Variants in ZFYVE9 observed in about 807,000 individuals in gnomAD.
ZFYVE9 encodes zinc finger FYVE domain-containing protein 9.
ZFYVE9 carries 43 observed loss-of-function variants against 126.7 expected under a neutral mutation model. The ratio of observed to expected loss-of-function variants is 0.34; its 90% confidence interval spans 0.27 to 0.44. The LOEUF is 0.44. Ranked by LOEUF, ZFYVE9 falls within the 20% of genes least tolerant of loss-of-function variation. ZFYVE9 has a pLI of 1.00. For synonymous variants in ZFYVE9, 521 were observed against 597.4 expected, an observed-to-expected ratio of 0.87 and a Z score of 1.87; for missense variants, 1,476 against 1,697.0, an observed-to-expected ratio of 0.87 and a Z score of 2.29.
intron 10 of ZFYVE9, among the ~76,000 whole-genome samples, chr1:52,292,758 C>G (rs1007649549): frequency 2.0e-5 from 3 of 151,846 alleles, no homozygotes; most frequent in Non-Finnish European, 4.4e-5. Context: ...TGTGAGCCAC[C>G]GCACCCGGCC....
intron 1 of ZFYVE9, among the ~76,000 whole-genome samples, chr1:52,147,376 T>C (rs1019857420): frequency 6.6e-6 from 1 of 152,204 alleles, no homozygotes; most frequent in Non-Finnish European, 1.5e-5. Context: ...AAGAGAAACT[T>C]GTACCCATTA....
chr1:52,223,518 T>C lies in ZFYVE9; in HGVS notation c.-37+7044T>C, dbSNP rs1231042701. On this transcript the variant is annotated intron_variant, in intron 2 of 18. Coordinates refer to ENST00000287727, the MANE Select transcript of ZFYVE9 (RefSeq NM_004799.4). Reference sequence around the variant, plus strand: ...CTATGGGATGGTCTTTCCAATTTTCTATCTTTTGTATTTTTTTTGTAATGT... The same window carrying C: ...CTATGGGATGGTCTTTCCAATTTTCCATCTTTTGTATTTTTTTTGTAATGT... Among the ~76,000 whole-genome samples, 6 of 152,204 alleles carry C rather than the reference T, an allele frequency of 3.9e-5. No individual in the cohort carries two copies. The South Asian group carries it at 1.2e-3, about 32-fold the overall frequency.
At chr1:52,220,429 G>GGTA (rs1645113146) in intron 2 of ZFYVE9, among the ~76,000 whole-genome samples, 1 of 152,168 alleles carries the variant, frequency 6.6e-6, no homozygotes, top group African/African-American at 2.4e-5. Flanking sequence ...GGGTGAGATG[G>GGTA]TCTACTATGA....
chr1:52,253,629 A>G (rs1295449805), intron 4 of ZFYVE9: 2 of 1,408,668 alleles, frequency 1.4e-6, no homozygotes, highest in South Asian at 2.3e-5. Flanking sequence ...AAATGACCAC[A>G]CCAAACAAGG....
At chr1:52,213,353 C>A (rs1044825898) in intron 1 of ZFYVE9, among the ~76,000 whole-genome samples, 8 of 152,002 alleles carry the variant, frequency 5.3e-5, no homozygotes, top group South Asian at 4.1e-4. Flanking sequence ...TGGAGACTTA[C>A]AATTAAACAG....
chr1:52,297,314 T>C (rs1202143300), intron 12 of ZFYVE9, among the ~76,000 whole-genome samples: 3 of 151,144 alleles, frequency 2.0e-5, no homozygotes, highest in Admixed American at 6.6e-5. Context: ...ACAATCTTAC[T>C]GCAACCTCTG....
At chr1:52,199,351 C>T (rs1436276905) in intron 1 of ZFYVE9, among the ~76,000 whole-genome samples, 3 of 152,204 alleles carry the variant, frequency 2.0e-5, no homozygotes, top group Non-Finnish European at 4.4e-5. Flanking sequence ...GAGTGAGCCA[C>T]CGTACCTGGC....
At chr1:52,158,208 AAG>A (rs1644420842) in intron 1 of ZFYVE9, among the ~76,000 whole-genome samples, 1 of 152,182 alleles carries the variant, frequency 6.6e-6, no homozygotes, top group Non-Finnish European at 1.5e-5. Context: ...CTGCTTGCTT[AAG>A]CACCTTGAAA....
chr1:52,220,789 C>G (rs550488671), intron 2 of ZFYVE9, among the ~76,000 whole-genome samples: 1 of 152,016 alleles, frequency 6.6e-6, no homozygotes, highest in South Asian at 2.1e-4. Flanking sequence ...GAAAGGTCTA[C>G]GTGGGAGAAG....
chr1:52,318,370 A>ATGTGTGTGTGTG lies in ZFYVE9; in HGVS notation c.3439-14364_3439-14353dup, dbSNP rs59683935. The stretch of plus-strand genomic sequence containing the variant: ...TCAAGATTAGAGAGAGCATGATTGT[A>ATGTGTGTGTGTG]TGTGTGTGTGTGTGTGTGTGTGTGT... On this transcript the variant is annotated intron_variant, in intron 13 of 18. Coordinates refer to ENST00000287727, the MANE Select transcript of ZFYVE9 (RefSeq NM_004799.4). Among the ~76,000 whole-genome samples the ATGTGTGTGTGTG allele has an allele frequency of 7.1e-3, 1,024 of 144,358 alleles. 7 individuals are homozygous for ATGTGTGTGTGTG. The highest frequency in any genetic ancestry group is 0.012 in the African/African-American group (449 of 38,620). 94.7% of individuals were successfully genotyped at this position (144,358 alleles called of 152,430 possible).
intron 1 of ZFYVE9, among the ~76,000 whole-genome samples, chr1:52,181,316 T>C (rs979304795): frequency 5.3e-5 from 8 of 152,240 alleles, no homozygotes; most frequent in Non-Finnish European, 8.8e-5. Flanking sequence ...AGCTCCTAAC[T>C]GCGAGTGATC....
At chr1:52,337,986 T>G in intron 16 of ZFYVE9, 52 bp downstream of exon 16, 6 of 1,571,350 alleles carry the variant, frequency 3.8e-6, no homozygotes, top group Non-Finnish European at 5.2e-6. Context: ...GGTTAGGCTC[T>G]GGGTTTTGTC....
At position 52,205,498 on chromosome 1, in the gene ZFYVE9, G is replaced by A. The variant is rs567439465; in HGVS notation, c.-142-10871G>A. ...TCTGTCTCAGTCTCCTGAGTAGCTA[G>A]GTCTACAAGTGTGCACCACCATGCC... On this transcript the variant is annotated intron_variant, in intron 1 of 18. Coordinates refer to ENST00000287727, the MANE Select transcript of ZFYVE9 (RefSeq NM_004799.4). 4.0e-5 allele frequency among the ~76,000 whole-genome samples: 6 copies of A among 151,850 alleles called. No homozygotes were observed. The East Asian group carries it at 1.2e-3, about 29-fold the overall frequency.
chr1:52,320,027 AAAAAG>A (rs1167808468), intron 13 of ZFYVE9, among the ~76,000 whole-genome samples: 12 of 150,080 alleles, frequency 8.0e-5, no homozygotes, highest in South Asian at 2.1e-4. Context: ...AAAAAAAAAA[AAAAAG>A]AGAAAAAGAA....
At chr1:52,236,754 C>A (rs1309033340) in intron 3 of ZFYVE9, among the ~76,000 whole-genome samples, 1 of 152,108 alleles carries the variant, frequency 6.6e-6, no homozygotes, top group East Asian at 1.9e-4. Flanking sequence ...TGTATTGTGA[C>A]ATGGTTACAA....
chr1:52,189,873 TG>T (rs1264057396), intron 1 of ZFYVE9: 1 of 151,946 alleles, frequency 6.6e-6, no homozygotes, highest in African/African-American at 2.4e-5. Flanking sequence ...CAACACCATT[TG>T]TTGAAAAATG....
At chr1:52,305,602 G>A (rs1646075621) in intron 13 of ZFYVE9, among the ~76,000 whole-genome samples, 1 of 152,078 alleles carries the variant, frequency 6.6e-6, no homozygotes, top group African/African-American at 2.4e-5. Context: ...GGGACAAGTG[G>A]GAGCCCCACC....
chr1:52,256,110 G>A (rs992282076), intron 4 of ZFYVE9, among the ~76,000 whole-genome samples: 9 of 149,474 alleles, frequency 6.0e-5, no homozygotes, highest in African/African-American at 2.2e-4. Flanking sequence ...CTGTCTTCCA[G>A]GCTGGAGTGC....
At chr1:52,342,446 A>G (rs1210004662) in intron 17 of ZFYVE9, among the ~76,000 whole-genome samples, 1 of 145,848 alleles carries the variant, frequency 6.9e-6, no homozygotes, top group Non-Finnish European at 1.5e-5. Flanking sequence ...TTTTTTTTGT[A>G]TTTTTAGTAG....
Sources: allele counts gnomAD v4.1 joint callset (sites outside exome capture counted in the v4.1 genomes callset), GRCh38; gene constraint gnomAD v4.1.1; transcripts MANE v1.5; gene names NCBI Gene and HGNC (gene_info 2026-07-23, HGNC 2026-07-21).